RAD9B: variants seen among roughly 807,000 people sequenced by gnomAD.
RAD9B encodes cell cycle checkpoint control protein RAD9B.
In RAD9B, 41 loss-of-function variants were observed where a neutral mutation model predicts 48.3. That is an observed-to-expected ratio of 0.85 (90% CI 0.66 to 1.10). The LOEUF (loss-of-function observed/expected upper bound fraction) is 1.10. Ranked by LOEUF, RAD9B falls within the 50% of genes least tolerant of loss-of-function variation. RAD9B has a pLI of 0.00. For synonymous variants in RAD9B, 160 were observed against 157.9 expected (o/e 1.01, Z -0.10); for missense variants, 444 against 485.1 (o/e 0.92, Z 0.80).
chr12:110,502,608 G>A (rs1382011130), intron 1 of RAD9B: 1 of 568,056 alleles, frequency 1.8e-6, no homozygotes, highest in East Asian at 3.0e-5. Context: ...TGGTATCCGG[G>A]AAATAGAGTT....
At chr12:110,515,899 C>CT (rs2063588673) in intron 6 of RAD9B, among the ~76,000 whole-genome samples, 4 of 152,244 alleles carry the variant, frequency 2.6e-5, no homozygotes, top group African/African-American at 7.2e-5. Flanking sequence ...CATAACAACT[C>CT]TAAGATGTAT....
At chr12:110,502,792 T>A (rs575218570) in intron 1 of RAD9B, 3 of 166,842 alleles carry the variant, frequency 1.8e-5, no homozygotes, top group Non-Finnish European at 3.9e-5. Flanking sequence ...GAAAAGTCAC[T>A]AAATCTCTTT....
At chr12:110,519,736 T>C in intron 8 of RAD9B, 58 bp from the exon 9 acceptor site, 11 of 1,540,964 alleles carry the variant, frequency 7.1e-6, no homozygotes. Flanking sequence ...ATTTCTAATG[T>C]GTTTCTAATG....
At position 110,532,426 on chromosome 12, in the gene RAD9B, C is replaced by A. The variant is rs556258180; in HGVS notation, c.*1773C>A. 6.6e-6 allele frequency among the ~76,000 whole-genome samples: 1 copy of A among 152,106 alleles called. No individual in the cohort carries two copies. Among genetic ancestry groups the A allele is most frequent in the Non-Finnish European group, 1.5e-5 (1 of 68,032 alleles). ...GGACTATTATTATAGTTAATACTGG[C>A]GGGGTGTAGTGGCTCATGCCTGTAA... is the stretch of plus-strand genomic sequence containing the variant. On this transcript the variant is annotated 3_prime_UTR_variant, in exon 11 of 11. Transcript: ENST00000409300.
chr12:110,522,482 C>T, intron 10 of RAD9B, 71 bp downstream of exon 10: 1 of 1,015,180 alleles, frequency 9.9e-7, no homozygotes, highest in Non-Finnish European at 1.5e-6. Context: ...GTCTTCCTCC[C>T]CAATCCCCAC....
At chr12:110,514,077 C>T (rs2063543369) in intron 5 of RAD9B, among the ~76,000 whole-genome samples, 1 of 151,824 alleles carries the variant, frequency 6.6e-6, no homozygotes, top group Non-Finnish European at 1.5e-5. Context: ...TCCTTCCTCC[C>T]TTCCTTTTTG....
chr12:110,531,444 G>A lies in RAD9B; in HGVS notation c.*791G>A, dbSNP rs1318770511. 1.1e-4 allele frequency: 74 copies of A among 650,336 alleles called. No individual in the cohort carries two copies. The highest frequency in any genetic ancestry group is 1.9e-4 in the Admixed American group (7 of 36,036). The allele number at this position is 650,336 out of a possible 1,614,324, so 40.3% of individuals were successfully genotyped here. A position where few individuals can be genotyped will look rare whatever the true frequency, so the allele number is the denominator to read the frequency against. ...TGGCCTCAAGTGATCTGCCCACCTC[G>A]GCCTCCCAAAGTGCTGGGATTACAG... is the stretch of plus-strand genomic sequence containing the variant. On this transcript the variant is annotated 3_prime_UTR_variant, in exon 11 of 11. Transcript: ENST00000409300.
At chr12:110,530,128 C>T (rs753348589) in intron 10 of RAD9B, among the ~76,000 whole-genome samples, 11 of 152,190 alleles carry the variant, frequency 7.2e-5, no homozygotes, top group East Asian at 3.9e-4. Context: ...CTGCAAGCTC[C>T]GCCTCCCGGG....
At chr12:110,526,791 C>T (rs1329805470) in intron 10 of RAD9B, among the ~76,000 whole-genome samples, 1 of 151,962 alleles carries the variant, frequency 6.6e-6, no homozygotes, top group Non-Finnish European at 1.5e-5. Context: ...CGCCTGTAGT[C>T]CCAGCTACTT....
intron 2 of RAD9B, among the ~76,000 whole-genome samples, chr12:110,504,103 G>A (rs1171660772): frequency 6.6e-5 from 10 of 151,234 alleles, no homozygotes; most frequent in Non-Finnish European, 1.0e-4. Context: ...TAAGAGACTA[G>A]CTACGGTCTG....
chr12:110,531,963 G>T lies in RAD9B; in HGVS notation c.*1310G>T, dbSNP rs1052300. ...AGAAATTCATAAAGGTGGCTGAGTG[G>T]ATTTGCATGCTTTAGAACTGTGAAT... On this transcript the variant is annotated 3_prime_UTR_variant, in exon 11 of 11. Transcript: ENST00000409300. The T allele has an allele frequency of 5.8e-3, 1,593 of 275,792 alleles. 12 individuals carry two copies. The highest frequency in any genetic ancestry group is 9.3e-3 in the Admixed American group (164 of 17,598). 17.1% of individuals were successfully genotyped at this position (275,792 alleles called of 1,614,324 possible).
intron 10 of RAD9B, among the ~76,000 whole-genome samples, chr12:110,529,743 CAAAT>C (rs1339257186): frequency 1.3e-5 from 2 of 152,046 alleles, no homozygotes; most frequent in Non-Finnish European, 2.9e-5. Flanking sequence ...AACCTGATAA[CAAAT>C]AAAAAGGTGA....
In RAD9B at chr12:110,503,803, T is replaced by C; in HGVS notation, c.47-3T>C. On this transcript the variant is annotated splice_region_variant and splice_polypyrimidine_tract_variant and intron_variant, in intron 1 of 10. Coordinates refer to ENST00000409300, the MANE Select transcript of RAD9B (RefSeq NM_001286535.2). ...TAAGCATCACCTTTCTTTTTCTCCA[T>C]AGTATTTGGGAAAGCAGTTCAAGCT... The C allele has an allele frequency of 6.2e-7, 1 of 1,604,548 alleles. No individual in the cohort carries two copies. Among genetic ancestry groups the C allele is most frequent in the Non-Finnish European group, 8.5e-7 (1 of 1,173,886 alleles).
intron 9 of RAD9B, among the ~76,000 whole-genome samples, chr12:110,521,746 C>T (rs1165918087): frequency 3.3e-5 from 5 of 151,746 alleles, no homozygotes; most frequent in Admixed American, 6.6e-5. Flanking sequence ...TTAGTAGAGA[C>T]GAGGTTTCAC....
chr12:110,512,487 A>G (rs928515584), intron 4 of RAD9B, among the ~76,000 whole-genome samples: 9 of 152,226 alleles, frequency 5.9e-5, no homozygotes, highest in African/African-American at 1.9e-4. Context: ...CCATGTATCA[A>G]TAAAAATATA....
At chr12:110,521,079 CAG>C (rs2063770715) in intron 9 of RAD9B, among the ~76,000 whole-genome samples, 1 of 152,076 alleles carries the variant, frequency 6.6e-6, no homozygotes, top group African/African-American at 2.4e-5. Flanking sequence ...TTGCATCACC[CAG>C]AGATAGCCAC....
chr12:110,512,215 C>T (rs1193914912), intron 4 of RAD9B, among the ~76,000 whole-genome samples: 1 of 146,620 alleles, frequency 6.8e-6, no homozygotes, highest in Non-Finnish European at 1.5e-5. Flanking sequence ...GTGGCACAAT[C>T]TTGGCTCATG....
In RAD9B at chr12:110,515,686, C is replaced by T. The variant is rs146388930; in HGVS notation, c.595+530C>T. Among the ~76,000 whole-genome samples the T allele has an allele frequency of 1.1e-4, 17 of 152,052 alleles. 1 individual carries two copies. Among genetic ancestry groups the T allele is most frequent in the Admixed American group, 7.9e-4 (12 of 15,238 alleles). ...ATAAAAGAAAAAAGAAAATTTGCTA[C>T]GGTCTTTTGGCACAACAAGCTGTTT... On this transcript the variant is annotated intron_variant, in intron 6 of 10. Coordinates refer to ENST00000409300, the MANE Select transcript of RAD9B (RefSeq NM_001286535.2).
chr12:110,512,091 C>T (rs1240001791), intron 4 of RAD9B, among the ~76,000 whole-genome samples: 4 of 151,682 alleles, frequency 2.6e-5, no homozygotes, highest in African/African-American at 7.3e-5. Flanking sequence ...ATGATCCGCC[C>T]GCCTCAGCCT....
Sources: gnomAD v4.1 joint callset for allele counts (sites outside exome capture counted in the v4.1 genomes callset) on GRCh38, gnomAD v4.1.1 for gene constraint, MANE v1.5 for transcripts, NCBI Gene and HGNC (gene_info 2026-07-23, HGNC 2026-07-21) for gene names.